SUPT3H: variants seen among roughly 807,000 people sequenced by gnomAD.
The protein encoded by SUPT3H is SPT3 homolog, SAGA and STAGA complex component, also known as transcription initiation protein SPT3 homolog.
Under a neutral mutation model 44.3 loss-of-function variants are expected in SUPT3H, and 44 were observed. The observed-to-expected ratio is 0.99, with a 90% CI of 0.78 to 1.28. The LOEUF (loss-of-function observed/expected upper bound fraction) is 1.28. Among genes scored for constraint, SUPT3H ranks in the 50% most tolerant of loss-of-function variants. The probability of loss-of-function intolerance (pLI) is 0.00; values close to 1 mark genes in which losing one functional copy is unlikely to be tolerated. For missense variants in SUPT3H, 380 were observed against 387.1 expected, an observed-to-expected ratio of 0.98 and a Z score of 0.15; for synonymous variants, 124 against 125.6, an observed-to-expected ratio of 0.99 and a Z score of 0.09.
rs531181335 is a variant in SUPT3H, at chr6:44,961,869, A to G, written c.505-41T>C. ...ACATAACATTTTTTAAAGCAAGCAG[A>G]TTATTATATATGTTTTCACAGCTTA... On this transcript the variant is annotated intron_variant, in intron 6 of 10. Transcript: ENST00000371459. 1.1e-4 allele frequency: 163 copies of G among 1,454,828 alleles called. 1 individual carries two copies. The South Asian group carries it at 1.8e-3, about 16-fold the overall frequency. The allele number at this position is 1,454,828 out of a possible 1,614,324, so 90.1% of individuals were successfully genotyped here.
chr6:44,954,630 T>C, intron 7 of SUPT3H, 23 bp from the exon 8 acceptor site: 2 of 1,468,438 alleles, frequency 1.4e-6, no homozygotes, highest in Non-Finnish European at 1.9e-6. Context: ...AAAAAACAAG[T>C]GCAGAAATTT....
At chr6:44,982,671 C>G (rs1290247561) in intron 6 of SUPT3H, among the ~76,000 whole-genome samples, 1 of 131,886 alleles carries the variant, frequency 7.6e-6, no homozygotes, top group African/African-American at 2.5e-5. Flanking sequence ...TTGTATTAGT[C>G]TCCTATCTCT....
At chr6:45,191,417 G>C (rs528414821) in intron 2 of SUPT3H, among the ~76,000 whole-genome samples, 1 of 152,190 alleles carries the variant, frequency 6.6e-6, no homozygotes, top group African/African-American at 2.4e-5. Flanking sequence ...CAGAGGGAAG[G>C]AGGGAGGAAT....
intron 10 of SUPT3H, among the ~76,000 whole-genome samples, chr6:44,912,520 G>A (rs768799916): frequency 2.0e-5 from 3 of 152,128 alleles, no homozygotes; most frequent in Non-Finnish European, 4.4e-5. Context: ...AAGAGATGTG[G>A]AGAAGTGGAA....
At chr6:44,842,926 T>C (rs1771228948) in intron 10 of SUPT3H, among the ~76,000 whole-genome samples, 1 of 152,132 alleles carries the variant, frequency 6.6e-6, no homozygotes, top group African/African-American at 2.4e-5. Flanking sequence ...CCACGTCTAC[T>C]GACTTTTGAA....
chr6:45,219,153 A>G (rs1765576536), intron 2 of SUPT3H, among the ~76,000 whole-genome samples: 1 of 152,136 alleles, frequency 6.6e-6, no homozygotes, highest in African/African-American at 2.4e-5. Context: ...TTAGAAAAAA[A>G]AGTCTTAAAT....
chr6:45,352,232 C>T (rs935398910), intron 2 of SUPT3H, among the ~76,000 whole-genome samples: 1 of 152,094 alleles, frequency 6.6e-6, no homozygotes, highest in Non-Finnish European at 1.5e-5. Flanking sequence ...TGATCGTCTA[C>T]CTGACAATTT....
At chr6:45,157,069 C>A (rs2153599094) in intron 2 of SUPT3H, among the ~76,000 whole-genome samples, 1 of 152,128 alleles carries the variant, frequency 6.6e-6, no homozygotes, top group South Asian at 2.1e-4. Flanking sequence ...AATCATCTGG[C>A]AAAAATATTA....
At chr6:44,997,091 T>C (rs1295111351) in intron 6 of SUPT3H, among the ~76,000 whole-genome samples, 1 of 151,802 alleles carries the variant, frequency 6.6e-6, no homozygotes, top group African/African-American at 2.4e-5. Flanking sequence ...GTAATTGTGG[T>C]TTTGCCATTA....
chr6:45,133,957 C>G (rs1454457275), intron 2 of SUPT3H, among the ~76,000 whole-genome samples: 1 of 152,028 alleles, frequency 6.6e-6, no homozygotes, highest in African/African-American at 2.4e-5. Context: ...AATTACAAAC[C>G]CCCAATGTGA....
chr6:45,372,220 T>C (rs1796164151), intron 1 of SUPT3H, among the ~76,000 whole-genome samples: 2 of 152,182 alleles, frequency 1.3e-5, no homozygotes, highest in South Asian at 4.1e-4. Context: ...ACTGCCTCAG[T>C]TCCCTCATCT....
intron 3 of SUPT3H, among the ~76,000 whole-genome samples, chr6:45,081,045 A>ACC (rs1795735302): frequency 7.1e-6 from 1 of 140,762 alleles, no homozygotes; most frequent in African/African-American, 2.6e-5. Flanking sequence ...ATATATATGT[A>ACC]CATATATACG....
intron 2 of SUPT3H, among the ~76,000 whole-genome samples, chr6:45,142,359 G>A (rs1341387240): frequency 6.6e-6 from 1 of 152,000 alleles, no homozygotes; most frequent in Admixed American, 6.6e-5. Context: ...AAGGTATTTA[G>A]GTAACAACTA....
chr6:44,893,982 G>C (rs1430056018), intron 10 of SUPT3H, among the ~76,000 whole-genome samples: 2 of 141,546 alleles, frequency 1.4e-5, no homozygotes, highest in Non-Finnish European at 3.1e-5. Flanking sequence ...GTGATGGTGA[G>C]CATTTTTTCA....
rs1409771217 is a variant in SUPT3H at position 44,890,938 on chromosome 6, C to G, written c.912+41715G>C. On this transcript the variant is annotated intron_variant, in intron 10 of 10. Coordinates refer to ENST00000371459, the MANE Select transcript of SUPT3H (RefSeq NM_003599.4). ...AAGTCGGAGTTGAACAATAAGAACA[C>G]AAGGACACAGGAAGGGGAACATCAC... 3.3e-5 allele frequency among the ~76,000 whole-genome samples: 5 copies of G among 151,396 alleles called. No individual in the cohort carries two copies. In the East Asian group the frequency reaches 9.8e-4, roughly 30 times the overall value.
intron 2 of SUPT3H, among the ~76,000 whole-genome samples, chr6:45,252,717 T>C (rs1471461517): frequency 6.6e-6 from 1 of 152,160 alleles, no homozygotes; most frequent in African/African-American, 2.4e-5. Context: ...AGTTTATTCA[T>C]TCATTAAAAG....
Position 44,943,207 on chromosome 6 carries a change from T to G in SUPT3H, c.801+10103A>C, listed in dbSNP as rs544144019. 4.0e-5 allele frequency among the ~76,000 whole-genome samples: 6 copies of G among 151,638 alleles called. No individual in the cohort carries two copies. The South Asian group carries it at 1.3e-3, about 32-fold the overall frequency. ...AAACTATAAAAAATCAAATAGAAAT[T>G]TTAGAAGTATAAAATGAAATATCAG... On this transcript the variant is annotated intron_variant, in intron 9 of 10. Transcript: ENST00000371459.
chr6:45,121,906 G>A lies in SUPT3H; in HGVS notation c.102-15900C>T, dbSNP rs780190779. On this transcript the variant is annotated intron_variant, in intron 2 of 10. Coordinates refer to ENST00000371459, the MANE Select transcript of SUPT3H (RefSeq NM_003599.4). ...TTGGCCAGGCTGGTCTCAAACTCCT[G>A]ACCTCATGATCCACCCGCCTCAGCC... Among the ~76,000 whole-genome samples the A allele has an allele frequency of 7.0e-4, 106 of 151,946 alleles. 1 individual carries two copies. Among genetic ancestry groups the A allele is most frequent in the Non-Finnish European group, 8.8e-4 (60 of 67,944 alleles).
intron 2 of SUPT3H, among the ~76,000 whole-genome samples, chr6:45,182,377 C>T (rs1813425516): frequency 6.6e-6 from 1 of 152,192 alleles, no homozygotes; most frequent in Non-Finnish European, 1.5e-5. Context: ...TCTCATGCCT[C>T]AAGCCCTCCA....
Sources: allele counts gnomAD v4.1 joint callset (sites outside exome capture counted in the v4.1 genomes callset), GRCh38; gene constraint gnomAD v4.1.1; transcripts MANE v1.5; gene names NCBI Gene and HGNC (gene_info 2026-07-23, HGNC 2026-07-21).